The following GNA14 variants were observed in gnomAD, a reference collection of about 807,000 sequenced individuals.
The protein encoded by GNA14 is G protein subunit alpha 14.
GNA14 carries 50 observed loss-of-function variants against 42.0 expected under a neutral mutation model. That is an observed-to-expected ratio of 1.19 (90% CI 0.95 to 1.51). The LOEUF (loss-of-function observed/expected upper bound fraction) is 1.51, where lower values mean the gene tolerates loss of function less well. Among genes scored for constraint, GNA14 ranks in the 40% most tolerant of loss-of-function variants. The pLI, the probability that GNA14 is intolerant of heterozygous loss-of-function variation, is 0.00. For missense variants in GNA14, 473 were observed against 446.2 expected (o/e 1.06, Z -0.54); for synonymous variants, 173 against 163.1 (o/e 1.06, Z -0.46).
chr9:77,571,021 T>C (rs1006293306), intron 1 of GNA14, among the ~76,000 whole-genome samples: 63 of 152,196 alleles, frequency 4.1e-4, no homozygotes, highest in African/African-American at 1.5e-3. Context: ...ATGTACTCTA[T>C]GATAGAGGTA....
chr9:77,473,678 A>C (rs1011234445), intron 2 of GNA14, among the ~76,000 whole-genome samples: 5 of 151,768 alleles, frequency 3.3e-5, no homozygotes, highest in African/African-American at 1.2e-4. Context: ...GAATGTAAGA[A>C]AACCAGAATA....
intron 1 of GNA14, among the ~76,000 whole-genome samples, chr9:77,540,666 TA>T (rs908604442): frequency 3.9e-5 from 6 of 152,060 alleles, no homozygotes; most frequent in African/African-American, 1.2e-4. Context: ...TTTGGGAGCA[TA>T]TATATTTAAA....
intron 2 of GNA14, among the ~76,000 whole-genome samples, chr9:77,521,247 T>C (rs1252901937): frequency 6.6e-6 from 1 of 152,106 alleles, no homozygotes; most frequent in African/African-American, 2.4e-5. Context: ...CACCAGGACA[T>C]GGGAAGCAGG....
rs555654550 is a variant in GNA14, at chr9:77,623,814, A to T, written c.124+23856T>A. 1.0e-3 allele frequency among the ~76,000 whole-genome samples: 156 copies of T among 152,312 alleles called. 4 individuals carry two copies. The South Asian group carries it at 0.031, about 30-fold the overall frequency. ...CTCGGGTGCCTACACCACCAGCGCC[A>T]TGGATTTGAAGCACAAAACTGGGCT... On this transcript the variant is annotated intron_variant, in intron 1 of 6. Transcript: ENST00000341700.
At chr9:77,510,522 G>A (rs1465760641) in intron 2 of GNA14, among the ~76,000 whole-genome samples, 1 of 152,130 alleles carries the variant, frequency 6.6e-6, no homozygotes, top group African/African-American at 2.4e-5. Flanking sequence ...TTTTAGTAGA[G>A]ATGAGTTGCA....
At chr9:77,448,636 T>G (rs1416145902) in intron 2 of GNA14, among the ~76,000 whole-genome samples, 1 of 152,200 alleles carries the variant, frequency 6.6e-6, no homozygotes, top group African/African-American at 2.4e-5. Context: ...TCGAATTAAA[T>G]GCATACAAGT....
intron 2 of GNA14, among the ~76,000 whole-genome samples, chr9:77,500,533 A>C (rs1258580810): frequency 1.3e-5 from 2 of 152,208 alleles, no homozygotes; most frequent in East Asian, 3.9e-4. Context: ...AGTACAGTCA[A>C]GATATAGAAC....
intron 1 of GNA14, among the ~76,000 whole-genome samples, chr9:77,546,746 C>T (rs1251671091): frequency 4.6e-5 from 7 of 152,168 alleles, no homozygotes; most frequent in Admixed American, 4.6e-4. Context: ...CAAGGGGCAA[C>T]CTAATGATTC....
At chr9:77,447,235 T>A (rs1048345870) in intron 2 of GNA14, among the ~76,000 whole-genome samples, 2 of 152,178 alleles carry the variant, frequency 1.3e-5, no homozygotes, top group African/African-American at 4.8e-5. Context: ...TGAGCCACCA[T>A]GCCCAGCCTC....
chr9:77,618,036 A>G (rs916818935), intron 1 of GNA14, among the ~76,000 whole-genome samples: 1 of 152,084 alleles, frequency 6.6e-6, no homozygotes, highest in African/African-American at 2.4e-5. Context: ...AATCACAGTA[A>G]AGACACCATA....
intron 1 of GNA14, among the ~76,000 whole-genome samples, chr9:77,579,426 G>A (rs897468193): frequency 6.2e-4 from 94 of 152,244 alleles, no homozygotes; most frequent in East Asian, 1.2e-3. Context: ...CTGCTTGTCC[G>A]AGCTGATACT....
intron 2 of GNA14, among the ~76,000 whole-genome samples, chr9:77,477,177 C>T (rs576418551): frequency 3.3e-5 from 5 of 152,078 alleles, no homozygotes; most frequent in Admixed American, 6.5e-5. Context: ...GGCAACATGG[C>T]GAAACCCTGT....
At chr9:77,455,253 G>A (rs1168760247) in intron 2 of GNA14, among the ~76,000 whole-genome samples, 1 of 152,184 alleles carries the variant, frequency 6.6e-6, no homozygotes, top group Admixed American at 6.5e-5. Context: ...CTGGCCATGT[G>A]GCTCTCTCAC....
At chr9:77,501,399 T>C (rs190288904) in intron 2 of GNA14, among the ~76,000 whole-genome samples, 4 of 152,362 alleles carry the variant, frequency 2.6e-5, no homozygotes, top group African/African-American at 7.2e-5. Flanking sequence ...ATCATTCTGA[T>C]AGGTATAGAG....
At chr9:77,593,058 G>A (rs1378996479) in intron 1 of GNA14, among the ~76,000 whole-genome samples, 2 of 152,006 alleles carry the variant, frequency 1.3e-5, no homozygotes, top group African/African-American at 4.8e-5. Flanking sequence ...GTCTACTGTG[G>A]GGGAGAAGGA....
At chr9:77,644,671 T>C (rs950450923) in intron 1 of GNA14, among the ~76,000 whole-genome samples, 3 of 150,256 alleles carry the variant, frequency 2.0e-5, no homozygotes, top group Non-Finnish European at 2.9e-5. Context: ...ATGGCAGCCC[T>C]AGCAAACTAA....
chr9:77,625,674 C>G (rs1824002622), intron 1 of GNA14, among the ~76,000 whole-genome samples: 1 of 152,162 alleles, frequency 6.6e-6, no homozygotes, highest in African/African-American at 2.4e-5. Context: ...CCTTTACAGA[C>G]AAGCAAATGC....
chr9:77,638,699 TTAAG>T (rs1824216689), intron 1 of GNA14, among the ~76,000 whole-genome samples: 2 of 152,082 alleles, frequency 1.3e-5, no homozygotes. Context: ...GACACTGAAT[TTAAG>T]TAAGGTAATA....
intron 1 of GNA14, among the ~76,000 whole-genome samples, chr9:77,633,616 G>A (rs1251142178): frequency 2.0e-5 from 3 of 152,190 alleles, no homozygotes; most frequent in Non-Finnish European, 4.4e-5. Context: ...GATAAATTTA[G>A]CAATTCAGAT....
Sources: gnomAD v4.1 joint callset for allele counts (sites outside exome capture counted in the v4.1 genomes callset) on GRCh38, gnomAD v4.1.1 for gene constraint, MANE v1.5 for transcripts, NCBI Gene and HGNC (gene_info 2026-07-23, HGNC 2026-07-21) for gene names.